MAGI2: variants seen among roughly 807,000 people sequenced by gnomAD.
MAGI2 encodes membrane-associated guanylate kinase, WW and PDZ domain-containing protein 2.
Under a neutral mutation model 133.3 loss-of-function variants are expected in MAGI2, and 35 were observed. The ratio of observed to expected loss-of-function variants is 0.26; its 90% CI spans 0.20 to 0.35. MAGI2 has a LOEUF of 0.35. Ranked by LOEUF, MAGI2 falls within the 10% of genes least tolerant of loss-of-function variation. The pLI is 1.00. For missense variants in MAGI2, 1,636 were observed against 1,863.4 expected, an observed-to-expected ratio of 0.88 and a Z score of 2.25; for synonymous variants, 729 against 710.6, an observed-to-expected ratio of 1.03 and a Z score of -0.41.
At chr7:78,097,698 A>C (rs1356913345) in intron 20 of MAGI2, among the ~76,000 whole-genome samples, 1 of 152,150 alleles carries the variant, frequency 6.6e-6, no homozygotes, top group Non-Finnish European at 1.5e-5. Context: ...GGAGCAGAAA[A>C]GATAACTATT....
intron 9 of MAGI2, among the ~76,000 whole-genome samples, chr7:78,277,586 C>T (rs544622618): frequency 6.6e-6 from 1 of 152,142 alleles, no homozygotes; most frequent in African/African-American, 2.4e-5. Context: ...AAGAGAAGCC[C>T]ATGAGGGAGA....
chr7:78,619,873 A>G (rs991889148), intron 3 of MAGI2, among the ~76,000 whole-genome samples: 3 of 151,996 alleles, frequency 2.0e-5, no homozygotes, highest in African/African-American at 7.2e-5. Flanking sequence ...TGAGATCAGT[A>G]AACGGTCAGT....
intron 3 of MAGI2, among the ~76,000 whole-genome samples, chr7:78,536,094 T>C (rs1263614517): frequency 2.1e-5 from 3 of 143,400 alleles, no homozygotes; most frequent in East Asian, 2.0e-4. Flanking sequence ...TGGCTCTGTA[T>C]GAATTAAACT....
chr7:78,490,001 T>C (rs949282055), intron 5 of MAGI2, 161 bp from the exon 6 acceptor site: 6 of 518,952 alleles, frequency 1.2e-5, no homozygotes, highest in Non-Finnish European at 1.7e-5. Context: ...AGAGTAATTG[T>C]GCAAGGCAGC....
intron 6 of MAGI2, among the ~76,000 whole-genome samples, chr7:78,426,457 G>T (rs905885257): frequency 1.3e-5 from 2 of 152,072 alleles, no homozygotes; most frequent in South Asian, 4.1e-4. Flanking sequence ...GGACTGTTGT[G>T]GGGTGGGGGG....
intron 4 of MAGI2, among the ~76,000 whole-genome samples, chr7:78,511,664 A>G (rs1795593505): frequency 6.6e-6 from 1 of 150,740 alleles, no homozygotes; most frequent in South Asian, 2.1e-4. Flanking sequence ...TCTAGCCATC[A>G]AGTTAGCAGT....
intron 1 of MAGI2, among the ~76,000 whole-genome samples, chr7:79,207,116 C>A (rs537374286): frequency 6.6e-6 from 1 of 151,922 alleles, no homozygotes; most frequent in Non-Finnish European, 1.5e-5. Context: ...TAACAAATTA[C>A]TCAACAGGGA....
At chr7:78,791,135 T>TAATAGA (rs1234223705) in intron 2 of MAGI2, among the ~76,000 whole-genome samples, 13 of 152,236 alleles carry the variant, frequency 8.5e-5, no homozygotes, top group African/African-American at 3.1e-4. Context: ...TAAAGGCCTC[T>TAATAGA]GGAGAGGAGT....
chr7:78,830,564 T>C (rs1791054976), intron 2 of MAGI2, among the ~76,000 whole-genome samples: 1 of 152,218 alleles, frequency 6.6e-6, no homozygotes, highest in South Asian at 2.1e-4. Context: ...AATTTAATTG[T>C]ATTCTGGTTA....
intron 2 of MAGI2, among the ~76,000 whole-genome samples, chr7:78,816,191 C>CA (rs1291863047): frequency 6.6e-6 from 1 of 152,042 alleles, no homozygotes; most frequent in Non-Finnish European, 1.5e-5. Flanking sequence ...TAATCCAGAG[C>CA]AAAACTCTAA....
chr7:78,692,355 C>G (rs983981626), intron 2 of MAGI2, among the ~76,000 whole-genome samples: 2 of 152,166 alleles, frequency 1.3e-5, no homozygotes, highest in African/African-American at 4.8e-5. Context: ...CGGCTTCCCT[C>G]TAGACGGTGG....
intron 2 of MAGI2, among the ~76,000 whole-genome samples, chr7:78,925,989 T>C (rs1268993755): frequency 6.6e-6 from 1 of 152,004 alleles, no homozygotes; most frequent in Non-Finnish European, 1.5e-5. Context: ...TAGTCACTGT[T>C]TTTGACTAAA....
chr7:78,433,227 G>A (rs745704587), intron 6 of MAGI2, among the ~76,000 whole-genome samples: 12 of 151,992 alleles, frequency 7.9e-5, no homozygotes, highest in Non-Finnish European at 2.9e-5. Flanking sequence ...CCCAATTACA[G>A]CTTAACTACC....
chr7:78,332,664 C>T (rs532863608), intron 9 of MAGI2, among the ~76,000 whole-genome samples: 7 of 145,278 alleles, frequency 4.8e-5, no homozygotes, highest in East Asian at 2.0e-4. Flanking sequence ...CGCCACTGCA[C>T]GCTAGCCTGG....
intron 2 of MAGI2, among the ~76,000 whole-genome samples, chr7:78,798,640 T>A (rs1237916379): frequency 6.6e-6 from 1 of 152,144 alleles, no homozygotes; most frequent in Non-Finnish European, 1.5e-5. Context: ...GAATACTGAA[T>A]GAGAGGCCAC....
chr7:79,210,017 G>A (rs1362580154), intron 1 of MAGI2, among the ~76,000 whole-genome samples: 1 of 151,960 alleles, frequency 6.6e-6, no homozygotes, highest in Non-Finnish European at 1.5e-5. Context: ...GAAAGATAAA[G>A]ACAAATGAAA....
At chr7:78,394,217 C>T (rs1021462866) in intron 6 of MAGI2, among the ~76,000 whole-genome samples, 2 of 152,192 alleles carry the variant, frequency 1.3e-5, no homozygotes, top group East Asian at 3.9e-4. Flanking sequence ...ATCTGGGCAT[C>T]CCTTACCTCA....
At chr7:78,440,239 T>G (rs1051669808) in intron 6 of MAGI2, among the ~76,000 whole-genome samples, 1 of 152,174 alleles carries the variant, frequency 6.6e-6, no homozygotes, top group Non-Finnish European at 1.5e-5. Context: ...AATTCAGGCA[T>G]GCATTCATTT....
chr7:78,126,902 C>T (rs556078566), intron 19 of MAGI2, among the ~76,000 whole-genome samples: 10 of 152,308 alleles, frequency 6.6e-5, no homozygotes, highest in East Asian at 1.9e-4. Context: ...GACAAGGAAA[C>T]GTACAAGGAG....
Sources: gnomAD v4.1 joint callset for allele counts (sites outside exome capture counted in the v4.1 genomes callset) on GRCh38, gnomAD v4.1.1 for gene constraint, MANE v1.5 for transcripts, NCBI Gene and HGNC (gene_info 2026-07-23, HGNC 2026-07-21) for gene names.